Variants in EPM2A observed in about 807,000 individuals in gnomAD.
The protein encoded by EPM2A is laforin.
A neutral mutation model predicts 26.5 loss-of-function variants in EPM2A; 21 were observed. The observed-to-expected ratio is 0.79, with a 90% CI of 0.56 to 1.14. EPM2A has a LOEUF of 1.14. EPM2A is among the 50% of genes most tolerant of loss of function. EPM2A has a pLI of 0.00. For missense variants in EPM2A, 458 were observed against 440.8 expected (o/e 1.04, Z -0.35); for synonymous variants, 217 against 177.6 (o/e 1.22, Z -1.76).
chr6:145,674,977 T>C (rs1187941240), intron 2 of EPM2A, among the ~76,000 whole-genome samples: 3 of 151,894 alleles, frequency 2.0e-5, no homozygotes, highest in Non-Finnish European at 4.4e-5. Flanking sequence ...ACAAGACACA[T>C]AATTGTCAGA....
intron 1 of EPM2A, among the ~76,000 whole-genome samples, chr6:145,709,253 A>G (rs1213155944): frequency 6.6e-6 from 1 of 152,210 alleles, no homozygotes; most frequent in Non-Finnish European, 1.5e-5. Flanking sequence ...ATGTGAGGAC[A>G]TAAGATTTTA....
intron 4 of EPM2A, among the ~76,000 whole-genome samples, chr6:145,399,345 C>A (rs1385715021): frequency 6.6e-6 from 1 of 152,118 alleles, no homozygotes; most frequent in Non-Finnish European, 1.5e-5. Context: ...GCCTCAACAG[C>A]CTACACAAGA....
intron 4 of EPM2A, among the ~76,000 whole-genome samples, chr6:145,494,728 A>G (rs780887447): frequency 6.6e-6 from 1 of 152,152 alleles, no homozygotes; most frequent in Non-Finnish European, 1.5e-5. Flanking sequence ...TTTCTGCCTT[A>G]ATTTCATTAT....
chr6:145,607,512 G>T (rs2128551304), intron 2 of EPM2A, among the ~76,000 whole-genome samples: 1 of 152,176 alleles, frequency 6.6e-6, no homozygotes, highest in African/African-American at 2.4e-5. Flanking sequence ...CCTTTTAAGG[G>T]GTAAAACGAT....
At chr6:145,635,547 C>A (rs1221418074) in intron 2 of EPM2A, 61 bp from the exon 3 acceptor site, 1 of 1,515,446 alleles carries the variant, frequency 6.6e-7, no homozygotes. Flanking sequence ...GTTTAAGGAG[C>A]TGCATAAAAC....
At chr6:145,695,048 A>G (rs575007102) in intron 1 of EPM2A, among the ~76,000 whole-genome samples, 1 of 152,152 alleles carries the variant, frequency 6.6e-6, no homozygotes, top group Admixed American at 6.5e-5. Flanking sequence ...AAGCAATTTT[A>G]TCTCTAACAT....
At chr6:145,640,874 G>A (rs555211311) in intron 2 of EPM2A, 1 of 152,152 alleles carries the variant, frequency 6.6e-6, no homozygotes, top group South Asian at 2.1e-4. Context: ...ACCCCAAAAG[G>A]GTGCTTATAA....
chr6:145,543,022 G>A (rs968489503), intron 2 of EPM2A, among the ~76,000 whole-genome samples: 1 of 122,192 alleles, frequency 8.2e-6, no homozygotes, highest in African/African-American at 2.9e-5. Context: ...GCCTCCCAAA[G>A]TGCTGGGATT....
At chr6:145,668,459 G>GAAT (rs1470068366) in intron 2 of EPM2A, among the ~76,000 whole-genome samples, 5 of 152,116 alleles carry the variant, frequency 3.3e-5, no homozygotes, top group Admixed American at 6.5e-5. Context: ...GACTTATATG[G>GAAT]AATATATAAG....
chr6:145,626,179 T>A lies in EPM2A; in HGVS notation c.*1237A>T. 1.0e-6 allele frequency: 1 copy of A among 1,000,404 alleles called. No homozygotes were observed. The highest frequency in any genetic ancestry group is 1.7e-5 in the African/African-American group (1 of 57,680). 62.0% of individuals were successfully genotyped at this position (1,000,404 alleles called of 1,614,324 possible). A position where few individuals can be genotyped will look rare whatever the true frequency, so the allele number is the denominator to read the frequency against. On this transcript the variant is annotated 3_prime_UTR_variant, in exon 4 of 4. Coordinates refer to ENST00000367519, the MANE Select transcript of EPM2A (RefSeq NM_005670.4). ...ATATCATTCATGGTCCAATCCTGCA[T>A]TACAGTTGGTTGAATGCAGGTCTGT...
intron 2 of EPM2A, among the ~76,000 whole-genome samples, chr6:145,554,410 GAGATAGATAGATGAT>G (rs1233456835): frequency 2.8e-5 from 4 of 144,790 alleles, no homozygotes; most frequent in African/African-American, 5.2e-5. Context: ...AGATAATAGA[GAGATAGATAGATGAT>G]AGATAGATAG....
chr6:145,642,310 GAA>G (rs1777144044), intron 2 of EPM2A, among the ~76,000 whole-genome samples: 1 of 152,052 alleles, frequency 6.6e-6, no homozygotes, highest in African/African-American at 2.4e-5. Flanking sequence ...TAGTGAACTT[GAA>G]AAGACTTGTT....
At chr6:145,471,181 T>C (rs900651575) in intron 4 of EPM2A, among the ~76,000 whole-genome samples, 1 of 152,220 alleles carries the variant, frequency 6.6e-6, no homozygotes, top group Non-Finnish European at 1.5e-5. Flanking sequence ...TTGTTTTCTT[T>C]GTTGAAAATG....
intron 2 of EPM2A, among the ~76,000 whole-genome samples, chr6:145,567,342 T>G (rs1780897473): frequency 6.6e-6 from 1 of 152,220 alleles, no homozygotes; most frequent in Non-Finnish European, 1.5e-5. Context: ...GCTGGGATAA[T>G]GAACACTAGC....
At chr6:145,523,668 A>G (rs1780233046) in intron 2 of EPM2A, among the ~76,000 whole-genome samples, 1 of 152,076 alleles carries the variant, frequency 6.6e-6, no homozygotes, top group Admixed American at 6.5e-5. Flanking sequence ...CTGCCTTCCT[A>G]TTCCCTGAAA....
intron 1 of EPM2A, among the ~76,000 whole-genome samples, chr6:145,717,287 T>C (rs1045851070): frequency 1.3e-5 from 2 of 152,214 alleles, no homozygotes; most frequent in African/African-American, 4.8e-5. Flanking sequence ...GTGGCCTTCA[T>C]CCCTGGGATG....
At chr6:145,515,605 G>T (rs1780114958) in intron 2 of EPM2A, among the ~76,000 whole-genome samples, 1 of 152,084 alleles carries the variant, frequency 6.6e-6, no homozygotes, top group African/African-American at 2.4e-5. Context: ...TTTTATAAGG[G>T]CACTAATCTT....
At chr6:145,705,568 A>G in intron 1 of EPM2A, 1 of 456,388 alleles carries the variant, frequency 2.2e-6, no homozygotes, top group South Asian at 1.5e-5. Flanking sequence ...ACAAACAAAC[A>G]AAGAAAAAGT....
chr6:145,541,906 G>A (rs1261094884), intron 2 of EPM2A, among the ~76,000 whole-genome samples: 1 of 151,640 alleles, frequency 6.6e-6, no homozygotes, highest in Non-Finnish European at 1.5e-5. Flanking sequence ...GTAATATGTC[G>A]ATTTTTGGAT....
Sources: gnomAD v4.1 joint callset for allele counts (sites outside exome capture counted in the v4.1 genomes callset) on GRCh38, gnomAD v4.1.1 for gene constraint, MANE v1.5 for transcripts, NCBI Gene and HGNC (gene_info 2026-07-23, HGNC 2026-07-21) for gene names.